Variants in GLRX3 observed in about 807,000 individuals in gnomAD.
GLRX3 encodes the protein glutaredoxin-3.
In GLRX3, 22 loss-of-function variants were observed where a neutral mutation model predicts 49.5. The observed-to-expected ratio is 0.44, with a 90% confidence interval of 0.32 to 0.63. GLRX3 has a LOEUF of 0.63. GLRX3 is among the 30% of genes least tolerant of loss of function. The probability of loss-of-function intolerance (pLI) is 0.05; values close to 1 mark genes in which losing one functional copy is unlikely to be tolerated. For missense variants in GLRX3, 385 were observed against 396.3 expected, an observed-to-expected ratio of 0.97 and a Z score of 0.24; for synonymous variants, 133 against 140.0, an observed-to-expected ratio of 0.95 and a Z score of 0.35.
At chr10:130,141,070 C>T (rs1427499335) in intron 1 of GLRX3, among the ~76,000 whole-genome samples, 1 of 152,162 alleles carries the variant, frequency 6.6e-6, no homozygotes, top group African/African-American at 2.4e-5. Context: ...GGCACGGTGG[C>T]TCATGACTGT....
At chr10:130,139,748 A>G (rs1439264887) in intron 1 of GLRX3, among the ~76,000 whole-genome samples, 2 of 152,028 alleles carry the variant, frequency 1.3e-5, no homozygotes, top group African/African-American at 2.4e-5. Context: ...CTTGAACAAC[A>G]TAGAACCCAT....
intron 10 of GLRX3, among the ~76,000 whole-genome samples, chr10:130,177,425 T>A (rs1338858400): frequency 3.3e-5 from 5 of 152,236 alleles, no homozygotes; most frequent in African/African-American, 1.2e-4. Context: ...TGGCGAGGAC[T>A]GCCTTATTTG....
intron 7 of GLRX3, among the ~76,000 whole-genome samples, chr10:130,170,785 T>A (rs1268494577): frequency 6.6e-6 from 1 of 152,202 alleles, no homozygotes; most frequent in Non-Finnish European, 1.5e-5. Flanking sequence ...TCCTGTGGCA[T>A]GAAAAAAGCT....
At chr10:130,166,471 A>G in intron 4 of GLRX3, 36 bp from the exon 5 acceptor site, 2 of 1,530,512 alleles carry the variant, frequency 1.3e-6, no homozygotes, top group Non-Finnish European at 1.8e-6. Flanking sequence ...TTTGGGAGAG[A>G]GAAGTTAAGT....
At position 130,156,492 on chromosome 10, in the gene GLRX3, T is replaced by A. The variant is rs560754154; in HGVS notation, c.202-3503T>A. ...TGGAACCTCTTTAAGTTCCAGTTTC[T>A]TCTGTAAAATGGATGTTAAAGACGG... is the stretch of plus-strand genomic sequence containing the variant. On this transcript the variant is annotated intron_variant, in intron 2 of 10. Transcript: ENST00000331244. 6.5e-4 allele frequency among the ~76,000 whole-genome samples: 99 copies of A among 152,354 alleles called. No homozygotes were observed. The Middle Eastern group carries it at 0.041, about 63-fold the overall frequency.
intron 2 of GLRX3, among the ~76,000 whole-genome samples, chr10:130,157,249 G>A (rs1176743571): frequency 1.3e-5 from 2 of 151,538 alleles, no homozygotes; most frequent in African/African-American, 4.8e-5. Flanking sequence ...GGGGCCGCTG[G>A]TGCAAGTCCT....
intron 4 of GLRX3, among the ~76,000 whole-genome samples, chr10:130,164,762 T>G (rs1449726593): frequency 1.3e-5 from 2 of 152,242 alleles, no homozygotes; most frequent in African/African-American, 4.8e-5. Flanking sequence ...CAATCAATCT[T>G]TCTAGTCTGC....
intron 1 of GLRX3, among the ~76,000 whole-genome samples, chr10:130,137,775 C>T (rs1862090376): frequency 6.6e-6 from 1 of 152,188 alleles, no homozygotes; most frequent in Admixed American, 6.5e-5. Context: ...GGCTCTGTCA[C>T]CCAGGCTGCA....
chr10:130,169,714 A>G (rs1340093553), intron 7 of GLRX3, among the ~76,000 whole-genome samples: 5 of 152,180 alleles, frequency 3.3e-5, no homozygotes, highest in African/African-American at 4.8e-5. Flanking sequence ...TCTGCTGCCA[A>G]ACTTTGTCAG....
chr10:130,147,574 G>A (rs1022089808), intron 2 of GLRX3, among the ~76,000 whole-genome samples: 26 of 152,294 alleles, frequency 1.7e-4, no homozygotes, highest in African/African-American at 5.8e-4. Flanking sequence ...CATTCTTCCA[G>A]GAGTCATCAC....
chr10:130,176,155 C>T (rs75454187), intron 10 of GLRX3, among the ~76,000 whole-genome samples: 15,127 of 146,862 alleles, frequency 0.1, 786 homozygotes, highest in Middle Eastern at 0.13. Flanking sequence ...GAGTTTCGCT[C>T]TTGTTCCCCA....
At chr10:130,164,173 T>C (rs1200666079) in intron 4 of GLRX3, among the ~76,000 whole-genome samples, 2 of 152,218 alleles carry the variant, frequency 1.3e-5, no homozygotes, top group African/African-American at 4.8e-5. Context: ...TGGTGTGTTA[T>C]GAGCCTGACG....
chr10:130,169,716 C>G (rs1862767906), intron 7 of GLRX3, among the ~76,000 whole-genome samples: 1 of 152,200 alleles, frequency 6.6e-6, no homozygotes, highest in Non-Finnish European at 1.5e-5. Flanking sequence ...TGCTGCCAAA[C>G]TTTGTCAGCT....
chr10:130,169,406 C>T (rs760689357), intron 6 of GLRX3, 27 bp from the exon 7 acceptor site: 8 of 1,503,186 alleles, frequency 5.3e-6, no homozygotes, highest in African/African-American at 4.1e-5. Context: ...TGAGCTGAGC[C>T]GTTTTATATC....
chr10:130,174,804 CAT>C (rs1590074692), intron 8 of GLRX3, 61 bp from the exon 9 acceptor site: 1 of 996,212 alleles, frequency 1.0e-6, no homozygotes, highest in East Asian at 2.4e-5. Context: ...ACATCAAATG[CAT>C]AGAGGTTTTA....
At chr10:130,171,207 T>C (rs1169806431) in intron 7 of GLRX3, among the ~76,000 whole-genome samples, 1 of 152,264 alleles carries the variant, frequency 6.6e-6, no homozygotes, top group South Asian at 2.1e-4. Context: ...ATAATTGTCA[T>C]AATCATTGCA....
chr10:130,152,233 G>A (rs1321625657), intron 2 of GLRX3, among the ~76,000 whole-genome samples: 4 of 152,098 alleles, frequency 2.6e-5, no homozygotes, highest in Non-Finnish European at 1.5e-5. Context: ...TGGCCAGGCT[G>A]GTCTCAAACT....
intron 2 of GLRX3, among the ~76,000 whole-genome samples, chr10:130,151,614 A>G: frequency 6.6e-6 from 1 of 151,922 alleles, no homozygotes; most frequent in Non-Finnish European, 1.5e-5. Context: ...GAGTGAGAAC[A>G]TGTGGTGTTT....
chr10:130,166,704 T>C lies in GLRX3; in HGVS notation c.651+25T>C, dbSNP rs368839826. On this transcript the variant is annotated intron_variant, in intron 5 of 10. Transcript: ENST00000331244. Reference sequence around the variant, plus strand: ...GGTTAGAATTGAGAAGTCTGTGCTTTGTAAAGAAATTCCATTTAGAGCATA... The same window carrying C: ...GGTTAGAATTGAGAAGTCTGTGCTTCGTAAAGAAATTCCATTTAGAGCATA... 1.3e-5 allele frequency: 19 copies of C among 1,454,868 alleles called. No individual in the cohort carries two copies. The African/African-American group carries it at 2.5e-4, about 19-fold the overall frequency. The allele number at this position is 1,454,868 out of a possible 1,614,324, so 90.1% of individuals were successfully genotyped here.
Sources: allele counts gnomAD v4.1 joint callset (sites outside exome capture counted in the v4.1 genomes callset), GRCh38; gene constraint gnomAD v4.1.1; transcripts MANE v1.5; gene names NCBI Gene and HGNC (gene_info 2026-07-23, HGNC 2026-07-21).